MCC: variants seen among roughly 807,000 people sequenced by gnomAD.
MCC encodes MCC regulator of Wnt signaling pathway.
Under a neutral mutation model 116.2 loss-of-function variants are expected in MCC, and 90 were observed. The observed-to-expected ratio is 0.77, with a 90% CI of 0.65 to 0.92. The LOEUF is 0.92. Ranked by LOEUF, MCC falls within the 40% of genes least tolerant of loss-of-function variation. The pLI, the probability that MCC is intolerant of heterozygous loss-of-function variation, is 0.00. For missense variants in MCC, 1,516 were observed against 1,312.2 expected (o/e 1.16, Z -2.40); for synonymous variants, 578 against 510.5 (o/e 1.13, Z -1.78).
chr5:113,413,279 T>G (rs190863054), intron 1 of MCC, among the ~76,000 whole-genome samples: 13 of 152,236 alleles, frequency 8.5e-5, no homozygotes, highest in Admixed American at 3.9e-4. Context: ...AATGATGCTG[T>G]CCTCATAAAA....
chr5:113,123,761 G>A (rs1005422642), intron 5 of MCC, among the ~76,000 whole-genome samples: 5 of 152,198 alleles, frequency 3.3e-5, no homozygotes, highest in African/African-American at 1.2e-4. Flanking sequence ...AAGTGAACCA[G>A]TAGGGGGAAC....
At chr5:113,070,930 C>A (rs1166587570) in intron 12 of MCC, among the ~76,000 whole-genome samples, 164 bp downstream of exon 12, 1 of 152,172 alleles carries the variant, frequency 6.6e-6, no homozygotes, top group African/African-American at 2.4e-5. Context: ...TTACTAACAT[C>A]ATATTCATTA....
chr5:113,484,887 A>G (rs1312373943), intron 1 of MCC, among the ~76,000 whole-genome samples: 1 of 152,236 alleles, frequency 6.6e-6, no homozygotes, highest in Non-Finnish European at 1.5e-5. Flanking sequence ...ACCATAAAAT[A>G]TGTGGTAAAG....
chr5:113,177,080 A>G (rs1761374480), intron 3 of MCC, among the ~76,000 whole-genome samples: 8 of 152,164 alleles, frequency 5.3e-5, no homozygotes, highest in Admixed American at 5.2e-4. Context: ...ATTCTTTTAA[A>G]TGGACCTACC....
intron 3 of MCC, among the ~76,000 whole-genome samples, chr5:113,237,121 G>A (rs1038125370): frequency 3.3e-5 from 5 of 152,282 alleles, no homozygotes; most frequent in Admixed American, 6.5e-5. Context: ...AAATGTATAC[G>A]CCTTCAGGGA....
intron 3 of MCC, among the ~76,000 whole-genome samples, chr5:113,248,832 C>CTTTTTTTTTTTTTTT (rs1269527611): frequency 7.2e-5 from 10 of 138,198 alleles, no homozygotes; most frequent in African/African-American, 1.9e-4. Context: ...TCTCTCTCTT[C>CTTTTTTTTTTTTTTT]TTTTTTTTTT....
intron 3 of MCC, among the ~76,000 whole-genome samples, chr5:113,242,992 A>G (rs1764435790): frequency 6.6e-6 from 1 of 152,206 alleles, no homozygotes; most frequent in Non-Finnish European, 1.5e-5. Flanking sequence ...TCATGGAGGG[A>G]AAGTCTGTTT....
At chr5:113,137,687 CG>C (rs1269131909) in intron 5 of MCC, among the ~76,000 whole-genome samples, 5 of 151,998 alleles carry the variant, frequency 3.3e-5, no homozygotes, top group African/African-American at 9.7e-5. Context: ...CCCCTGTCTG[CG>C]TTTGGTATCA....
chr5:113,103,348 G>A (rs1380069183), intron 7 of MCC, among the ~76,000 whole-genome samples: 2 of 152,156 alleles, frequency 1.3e-5, no homozygotes, highest in African/African-American at 4.8e-5. Flanking sequence ...AGAGGCCCTT[G>A]GCCTCCTCCT....
At chr5:113,188,118 G>A (rs555422000) in intron 3 of MCC, among the ~76,000 whole-genome samples, 1 of 152,314 alleles carries the variant, frequency 6.6e-6, no homozygotes, top group African/African-American at 2.4e-5. Flanking sequence ...AGCCGAGGAA[G>A]CAAGGACCTC....
At chr5:113,403,335 G>A (rs1283808885) in intron 1 of MCC, among the ~76,000 whole-genome samples, 2 of 152,078 alleles carry the variant, frequency 1.3e-5, no homozygotes, top group Non-Finnish European at 2.9e-5. Context: ...ACACTGTACT[G>A]GGGAAACAAC....
intron 3 of MCC, among the ~76,000 whole-genome samples, chr5:113,269,914 T>C (rs538212138): frequency 2.0e-4 from 31 of 152,346 alleles, no homozygotes; most frequent in Middle Eastern, 6.8e-3. Flanking sequence ...TAACTGCATA[T>C]TTTTTCTAAA....
At chr5:113,395,851 C>A (rs920912683) in intron 1 of MCC, among the ~76,000 whole-genome samples, 3 of 151,020 alleles carry the variant, frequency 2.0e-5, no homozygotes, top group African/African-American at 7.3e-5. Flanking sequence ...TATTTTGATG[C>A]TTATGCTCCA....
At chr5:113,186,541 A>G (rs1761907089) in intron 3 of MCC, among the ~76,000 whole-genome samples, 1 of 152,174 alleles carries the variant, frequency 6.6e-6, no homozygotes, top group South Asian at 2.1e-4. Context: ...TACTTCATCT[A>G]TTTAACCTGC....
At chr5:113,326,284 G>A (rs1257281034) in intron 3 of MCC, among the ~76,000 whole-genome samples, 1 of 152,158 alleles carries the variant, frequency 6.6e-6, no homozygotes, top group East Asian at 1.9e-4. Flanking sequence ...TACTATTTAT[G>A]TATCATTTGG....
At chr5:113,378,841 C>G (rs531491455) in intron 2 of MCC, among the ~76,000 whole-genome samples, 1 of 152,312 alleles carries the variant, frequency 6.6e-6, no homozygotes, top group East Asian at 1.9e-4. Flanking sequence ...AACAAAGGCT[C>G]CGTTGGAATT....
rs1454879967 is a variant in MCC at position 113,053,722 on chromosome 5, T to A, written c.2448+3A>T. Reference sequence around the variant, plus strand: ...TAGCACATGGGACCCACCCACCACATACCTTCATGGCCATGAGCTCCTGCA... The same window carrying A: ...TAGCACATGGGACCCACCCACCACAAACCTTCATGGCCATGAGCTCCTGCA... On this transcript the variant is annotated splice_donor_region_variant and intron_variant, in intron 15 of 18. Transcript: ENST00000408903. 9 of 1,601,166 alleles carry A rather than the reference T, an allele frequency of 5.6e-6. No individual in the cohort carries two copies. The highest frequency in any genetic ancestry group is 7.7e-6 in the Non-Finnish European group (9 of 1,169,094).
intron 6 of MCC, among the ~76,000 whole-genome samples, chr5:113,119,006 T>C (rs1757570811): frequency 6.6e-6 from 1 of 152,212 alleles, no homozygotes; most frequent in African/African-American, 2.4e-5. Context: ...CCCGAGGTTA[T>C]CACCAGGGCC....
At chr5:113,357,287 T>C (rs142645645) in intron 2 of MCC, among the ~76,000 whole-genome samples, 14 of 152,306 alleles carry the variant, frequency 9.2e-5, no homozygotes, top group East Asian at 5.8e-4. Flanking sequence ...TTTTAGATAA[T>C]AGAAAGCAAA....
Sources: allele counts gnomAD v4.1 joint callset (sites outside exome capture counted in the v4.1 genomes callset), GRCh38; gene constraint gnomAD v4.1.1; transcripts MANE v1.5; gene names NCBI Gene and HGNC (gene_info 2026-07-23, HGNC 2026-07-21).